The following KLRF1 variants were observed in gnomAD, a reference collection of about 807,000 sequenced individuals.
KLRF1 encodes killer cell lectin-like receptor subfamily F member 1.
KLRF1 carries 27 observed loss-of-function variants against 30.7 expected under a neutral mutation model. That is an observed-to-expected ratio of 0.88 (90% CI 0.65 to 1.21). KLRF1 has a LOEUF of 1.21. KLRF1 is among the 50% of genes most tolerant of loss of function. The pLI is 0.00. For missense variants in KLRF1, 246 were observed against 259.3 expected, an observed-to-expected ratio of 0.95 and a Z score of 0.35; for synonymous variants, 92 against 89.3, an observed-to-expected ratio of 1.03 and a Z score of -0.17.
chr12:9,817,626 T>C, the KLRF1 span: 1 of 285,488 alleles, frequency 3.5e-6, no homozygotes. Flanking sequence ...ACGGTTTTTC[T>C]GTCCCTTACC....
chr12:9,807,270 TTG>T, the KLRF1 span, among the ~76,000 whole-genome samples: 4 of 152,136 alleles, frequency 2.6e-5, no homozygotes, highest in East Asian at 1.9e-4. Flanking sequence ...GAATAAATTA[TTG>T]TGTTATTACT....
chr12:9,820,932 C>T, the KLRF1 span, among the ~76,000 whole-genome samples: 2 of 152,156 alleles, frequency 1.3e-5, no homozygotes, highest in Non-Finnish European at 2.9e-5. Flanking sequence ...CCAGGCAGGG[C>T]CCCTGGCTCA....
intron 3 of KLRF1, among the ~76,000 whole-genome samples, chr12:9,833,856 C>G (rs767658821): frequency 6.8e-6 from 1 of 146,080 alleles, no homozygotes; most frequent in Non-Finnish European, 1.5e-5. Context: ...AAATTCCAGT[C>G]ATACAGAATT....
At chr12:9,835,349 G>A (rs115376049) in intron 3 of KLRF1, among the ~76,000 whole-genome samples, 2,043 of 152,174 alleles carry the variant, frequency 0.013, 40 homozygotes, top group African/African-American at 0.046. Flanking sequence ...GATCCAGCTA[G>A]GGCGGCAGCC....
chr12:9,838,475 C>T (rs1479774318), intron 3 of KLRF1, among the ~76,000 whole-genome samples: 1 of 151,882 alleles, frequency 6.6e-6, no homozygotes, highest in African/African-American at 2.4e-5. Flanking sequence ...TTCCTTTGTT[C>T]ATCCTTGAAA....
chr12:9,820,753 C>G, the KLRF1 span, among the ~76,000 whole-genome samples: 3 of 152,206 alleles, frequency 2.0e-5, no homozygotes, highest in East Asian at 5.8e-4. Flanking sequence ...ACAGAGTCAA[C>G]CCACAACCCC....
At chr12:9,806,298 C>T in the KLRF1 span, among the ~76,000 whole-genome samples, 1 of 152,048 alleles carries the variant, frequency 6.6e-6, no homozygotes, top group East Asian at 1.9e-4. Flanking sequence ...CATTGACAAA[C>T]CTAGCTGTAA....
At chr12:9,817,564 T>C in the KLRF1 span, 1 of 329,114 alleles carries the variant, frequency 3.0e-6, no homozygotes, top group Non-Finnish European at 6.2e-6. Flanking sequence ...TTATGAGTCC[T>C]AGTCTTGCAT....
intron 3 of KLRF1, among the ~76,000 whole-genome samples, chr12:9,835,172 T>C (rs757714686): frequency 1.7e-4 from 26 of 152,196 alleles, no homozygotes; most frequent in African/African-American, 6.0e-4. Flanking sequence ...AATTGAATTT[T>C]GGGAGTAAGG....
chr12:9,816,286 G>A, the KLRF1 span, among the ~76,000 whole-genome samples: 17 of 152,328 alleles, frequency 1.1e-4, no homozygotes, highest in Admixed American at 7.2e-4. Flanking sequence ...TTGGGAAAAG[G>A]AGACAATTTT....
chr12:9,814,383 G>A, the KLRF1 span, among the ~76,000 whole-genome samples: 92 of 152,312 alleles, frequency 6.0e-4, no homozygotes, highest in Middle Eastern at 3.4e-3. Flanking sequence ...AGGCGCCTGG[G>A]GATTGCCCAC....
chr12:9,824,765 A>T (rs924572761), upstream of KLRF1, among the ~76,000 whole-genome samples: 3 of 152,180 alleles, frequency 2.0e-5, no homozygotes, highest in Non-Finnish European at 4.4e-5. Context: ...ACATCAGCAA[A>T]GTTTCAGGAT....
At chr12:9,833,686 A>G (rs1008773278) in intron 3 of KLRF1, among the ~76,000 whole-genome samples, 1 of 152,198 alleles carries the variant, frequency 6.6e-6, no homozygotes, top group African/African-American at 2.4e-5. Flanking sequence ...CAGTTGATAC[A>G]TATAAATATG....
chr12:9,842,277 T>C (rs760899677), intron 4 of KLRF1, 44 bp from the exon 5 acceptor site: 1 of 1,602,318 alleles, frequency 6.2e-7, no homozygotes, highest in Non-Finnish European at 8.5e-7. Context: ...TGTGTCTGAA[T>C]TGCTAAAATA....
At chr12:9,811,551 A>G in the KLRF1 span, among the ~76,000 whole-genome samples, 3 of 152,176 alleles carry the variant, frequency 2.0e-5, no homozygotes, top group Non-Finnish European at 4.4e-5. Flanking sequence ...AGCAGATCCA[A>G]TCCAAGCTGA....
chr12:9,834,227 CA>C (rs1867518505), intron 3 of KLRF1, among the ~76,000 whole-genome samples: 1 of 152,000 alleles, frequency 6.6e-6, no homozygotes, highest in South Asian at 2.1e-4. Context: ...AAGACAGGAA[CA>C]AGCCATTTTC....
the KLRF1 span, among the ~76,000 whole-genome samples, chr12:9,820,059 G>A: frequency 2.0e-5 from 3 of 152,212 alleles, no homozygotes; most frequent in African/African-American, 7.2e-5. Context: ...CAAGAAAGTG[G>A]CCAGAGTGCT....
the KLRF1 span, among the ~76,000 whole-genome samples, chr12:9,822,262 A>G: frequency 3.9e-5 from 6 of 152,242 alleles, no homozygotes; most frequent in Non-Finnish European, 8.8e-5. Flanking sequence ...CAAGAAAACT[A>G]AGAATCACAC....
At chr12:9,819,222 T>G in the KLRF1 span, among the ~76,000 whole-genome samples, 1 of 152,112 alleles carries the variant, frequency 6.6e-6, no homozygotes, top group African/African-American at 2.4e-5. Context: ...ATACCAGGGC[T>G]TCCCAGCAAA....
Sources: gnomAD v4.1 joint callset for allele counts (sites outside exome capture counted in the v4.1 genomes callset) on GRCh38, gnomAD v4.1.1 for gene constraint, MANE v1.5 for transcripts, NCBI Gene and HGNC (gene_info 2026-07-23, HGNC 2026-07-21) for gene names.